The following ZSWIM6 variants were observed in gnomAD, a reference collection of about 807,000 sequenced individuals.
ZSWIM6 encodes zinc finger SWIM domain-containing protein 6.
A neutral mutation model predicts 113.2 loss-of-function variants in ZSWIM6; 9 were observed. The observed-to-expected ratio is 0.08, with a 90% CI of 0.05 to 0.14. The LOEUF (loss-of-function observed/expected upper bound fraction) is 0.14. Among genes scored for constraint, ZSWIM6 ranks in the 10% least tolerant of loss-of-function variants. ZSWIM6 has a pLI of 1.00. For missense variants in ZSWIM6, 1,162 were observed against 1,552.2 expected (o/e 0.75, Z 4.22); for synonymous variants, 611 against 606.5 (o/e 1.01, Z -0.11).
intron 8 of ZSWIM6, among the ~76,000 whole-genome samples, 182 bp from the exon 9 acceptor site, chr5:61,531,283 T>C (rs958755896): frequency 7.2e-5 from 11 of 152,218 alleles, no homozygotes; most frequent in African/African-American, 2.7e-4. Flanking sequence ...ATTTAATCAT[T>C]CATGGTCATT....
chr5:61,433,498 G>A (rs1188853292), intron 1 of ZSWIM6, among the ~76,000 whole-genome samples: 1 of 148,596 alleles, frequency 6.7e-6, no homozygotes, highest in Non-Finnish European at 1.5e-5. Flanking sequence ...TTGAGACAGA[G>A]TTTTGCTCTT....
At chr5:61,473,831 C>G (rs1305881306) in intron 2 of ZSWIM6, among the ~76,000 whole-genome samples, 1 of 152,116 alleles carries the variant, frequency 6.6e-6, no homozygotes, top group Non-Finnish European at 1.5e-5. Flanking sequence ...CGTTACATTT[C>G]TTTATTTATA....
In ZSWIM6 at chr5:61,524,555, C is replaced by T. The variant is rs148569974; in HGVS notation, c.1514-1245C>T. 5.2e-4 allele frequency among the ~76,000 whole-genome samples: 79 copies of T among 152,228 alleles called. 1 individual carries two copies. The highest frequency in any genetic ancestry group is 1.8e-3 in the African/African-American group (76 of 41,548). On this transcript the variant is annotated intron_variant, in intron 5 of 13. Coordinates refer to ENST00000252744, the MANE Select transcript of ZSWIM6 (RefSeq NM_020928.2). ...CCACTGTCACTGCCTGATGGTGTGA[C>T]CTTGGCAAGTCACTTTACTTCCCTT...
At chr5:61,448,915 G>C (rs1000808919) in intron 1 of ZSWIM6, among the ~76,000 whole-genome samples, 1 of 152,174 alleles carries the variant, frequency 6.6e-6, no homozygotes, top group African/African-American at 2.4e-5. Flanking sequence ...AGGATATTTT[G>C]ACATTTTTAG....
At chr5:61,384,780 G>A (rs1473115053) in intron 1 of ZSWIM6, among the ~76,000 whole-genome samples, 4 of 152,076 alleles carry the variant, frequency 2.6e-5, no homozygotes, top group Admixed American at 6.6e-5. Context: ...GGAGGAGGCC[G>A]GGCGCGGTGG....
intron 4 of ZSWIM6, among the ~76,000 whole-genome samples, chr5:61,512,285 C>T (rs1294695984): frequency 6.6e-6 from 1 of 151,978 alleles, no homozygotes; most frequent in African/African-American, 2.4e-5. Context: ...ATTATGTGTA[C>T]ATCAGTGGGT....
Position 61,526,234 on chromosome 5 carries a change from T to A in ZSWIM6, c.1691-16T>A. 6.5e-7 allele frequency: 1 copy of A among 1,538,436 alleles called. No individual in the cohort carries two copies. ...TCTGACAGTGGCAACTTTACCCCCTTGACTTTCTGTTTTAGAACATGTTCC... is the reference window on the plus strand; with the variant it reads ...TCTGACAGTGGCAACTTTACCCCCTAGACTTTCTGTTTTAGAACATGTTCC... On this transcript the variant is annotated splice_polypyrimidine_tract_variant and intron_variant, in intron 6 of 13. Transcript: ENST00000252744.
Position 61,364,209 on chromosome 5 carries a change from C to T in ZSWIM6, c.676+31261C>T, listed in dbSNP as rs113199592. ...ACAGGCACGCACCACCATGCCCGGC[C>T]CATAGTTTCTATTTCAGAAAACATA... is the stretch of plus-strand genomic sequence containing the variant. On this transcript the variant is annotated intron_variant, in intron 1 of 13. Transcript: ENST00000252744. 9.7e-3 allele frequency among the ~76,000 whole-genome samples: 1,471 copies of T among 151,924 alleles called. 12 individuals carry two copies. Among genetic ancestry groups the T allele is most frequent in the Non-Finnish European group, 0.017 (1,141 of 67,918 alleles).
intron 2 of ZSWIM6, among the ~76,000 whole-genome samples, chr5:61,487,623 C>T (rs1322095319): frequency 6.6e-6 from 1 of 151,628 alleles, no homozygotes; most frequent in Non-Finnish European, 1.5e-5. Flanking sequence ...TAAATTTATT[C>T]TTAAGTATTT....
At chr5:61,501,717 A>G (rs1748470587) in intron 4 of ZSWIM6, among the ~76,000 whole-genome samples, 1 of 152,130 alleles carries the variant, frequency 6.6e-6, no homozygotes, top group African/African-American at 2.4e-5. Context: ...ACTGTCTTAT[A>G]TATGTTGTGT....
intron 1 of ZSWIM6, among the ~76,000 whole-genome samples, chr5:61,413,448 G>C (rs1316644620): frequency 6.6e-6 from 1 of 152,014 alleles, no homozygotes; most frequent in Non-Finnish European, 1.5e-5. Context: ...TTGGTTCCAA[G>C]TCTTTGCTAT....
intron 1 of ZSWIM6, among the ~76,000 whole-genome samples, chr5:61,377,715 CAAAA>C (rs67255045): frequency 8.0e-6 from 1 of 125,498 alleles, no homozygotes; most frequent in African/African-American, 2.8e-5. Flanking sequence ...GACTTCGTCT[CAAAA>C]AAAAAAAAAC....
At chr5:61,542,487 G>C (rs1749766534) in intron 13 of ZSWIM6, among the ~76,000 whole-genome samples, 1 of 152,160 alleles carries the variant, frequency 6.6e-6, no homozygotes, top group Non-Finnish European at 1.5e-5. Context: ...TACATTCCCA[G>C]CAAGAATGCC....
At chr5:61,444,526 G>T (rs1359549424) in intron 1 of ZSWIM6, among the ~76,000 whole-genome samples, 3 of 152,084 alleles carry the variant, frequency 2.0e-5, no homozygotes, top group Non-Finnish European at 4.4e-5. Context: ...TCGCCACACT[G>T]ACTTCCACAA....
In ZSWIM6 at chr5:61,543,359, G is replaced by GTTAA. The variant is rs1749794229; in HGVS notation, c.2786-95_2786-92dup. ...CTAGCCTAGCTCATGTCCTATGATG[G>GTTAA]TTAACAATGTAAACACTGGTTGTAA... On this transcript the variant is annotated intron_variant, in intron 13 of 13. Transcript: ENST00000252744. This position sits in a 1 kb window ranked among gnomAD's most constrained non-coding sequence, Gnocchi z 4.3. 4 of 1,401,232 alleles carry GTTAA rather than the reference G, an allele frequency of 2.9e-6. No individual in the cohort carries two copies. The highest frequency in any genetic ancestry group is 3.8e-6 in the Non-Finnish European group (4 of 1,057,638). 86.8% of individuals were successfully genotyped at this position (1,401,232 alleles called of 1,614,324 possible).
rs1352949627 is a variant in ZSWIM6, at chr5:61,332,329, C to CGGT, written c.59_60insTGG (p.Gly26dup). 2.4e-6 allele frequency: 2 copies of CGGT among 839,666 alleles called. No individual in the cohort carries two copies. The highest frequency in any genetic ancestry group is 1.5e-6 in the Non-Finnish European group (1 of 681,438). 52.0% of individuals were successfully genotyped at this position (839,666 alleles called of 1,614,324 possible). A position where few individuals can be genotyped will look rare whatever the true frequency, so the allele number is the denominator to read the frequency against. On this transcript the variant is annotated inframe_insertion, in exon 1 of 14. Transcript: ENST00000252744. Reference sequence around the variant, plus strand: ...CGAAACGGCTTTGCTGCCGGCCGGGCGGCGGCGGCGGCGGCGGGGGCAGCA... The same window carrying CGGT: ...CGAAACGGCTTTGCTGCCGGCCGGGCGGTGGCGGCGGCGGCGGCGGGGGCAGCA...
At chr5:61,381,334 TA>T (rs1443903672) in intron 1 of ZSWIM6, among the ~76,000 whole-genome samples, 1 of 152,266 alleles carries the variant, frequency 6.6e-6, no homozygotes, top group Non-Finnish European at 1.5e-5. Flanking sequence ...TGTGTATTCA[TA>T]AACATTTATT....
At chr5:61,425,451 C>T (rs1746446342) in intron 1 of ZSWIM6, among the ~76,000 whole-genome samples, 1 of 152,104 alleles carries the variant, frequency 6.6e-6, no homozygotes, top group Non-Finnish European at 1.5e-5. Context: ...GTCATCTAGT[C>T]AGTGTTTATG....
intron 1 of ZSWIM6, among the ~76,000 whole-genome samples, chr5:61,349,808 G>A (rs754863685): frequency 1.3e-5 from 2 of 152,134 alleles, no homozygotes; most frequent in South Asian, 2.1e-4. Context: ...GTGGGATTAA[G>A]TGATTGCTTT....
Sources: gnomAD v4.1 joint callset for allele counts (sites outside exome capture counted in the v4.1 genomes callset) on GRCh38, gnomAD v4.1.1 for gene constraint, Gnocchi (gnomAD v3.1) non-coding constraint, MANE v1.5 for transcripts, NCBI Gene and HGNC (gene_info 2026-07-23, HGNC 2026-07-21) for gene names.